COL14A1: variants seen among roughly 807,000 people sequenced by gnomAD.
COL14A1 encodes the protein collagen type XIV alpha 1 chain, also known as collagen alpha-1(XIV) chain.
COL14A1 carries 136 observed loss-of-function variants against 230.3 expected under a neutral mutation model. The observed-to-expected ratio is 0.59, with a 90% CI of 0.51 to 0.68. The LOEUF (loss-of-function observed/expected upper bound fraction) is 0.68. COL14A1 is among the 30% of genes least tolerant of loss of function. The pLI, the probability that COL14A1 is intolerant of heterozygous loss-of-function variation, is 0.00. For missense variants in COL14A1, 1,976 were observed against 2,215.8 expected (o/e 0.89, Z 2.17); for synonymous variants, 792 against 784.1 (o/e 1.01, Z -0.17).
chr8:120,169,156 G>A (rs556875838), intron 5 of COL14A1, among the ~76,000 whole-genome samples: 7 of 152,108 alleles, frequency 4.6e-5, no homozygotes, highest in South Asian at 4.2e-4. Flanking sequence ...GCACCCTGCC[G>A]ATTATTCCCC....
intron 5 of COL14A1, among the ~76,000 whole-genome samples, chr8:120,194,456 T>C (rs1816957222): frequency 6.6e-6 from 1 of 152,212 alleles, no homozygotes; most frequent in Non-Finnish European, 1.5e-5. Context: ...GCTTTTATTT[T>C]CTTTAAGATG....
intron 5 of COL14A1, among the ~76,000 whole-genome samples, chr8:120,192,944 C>T (rs1169447844): frequency 6.6e-6 from 1 of 152,136 alleles, no homozygotes; most frequent in Non-Finnish European, 1.5e-5. Context: ...GTTATACATT[C>T]GTCTAAATTT....
chr8:120,243,656 G>A (rs1402062691), intron 19 of COL14A1, among the ~76,000 whole-genome samples: 1 of 151,348 alleles, frequency 6.6e-6, no homozygotes, highest in Non-Finnish European at 1.5e-5. Context: ...GAGCTTAAGA[G>A]TGTCAAATTT....
At chr8:120,246,644 A>T (rs1162689644) in intron 20 of COL14A1, among the ~76,000 whole-genome samples, 2 of 152,222 alleles carry the variant, frequency 1.3e-5, no homozygotes, top group Non-Finnish European at 2.9e-5. Context: ...TATTACAGAA[A>T]TGCCATTACG....
chr8:120,343,014 C>G (rs1822365207), intron 44 of COL14A1, among the ~76,000 whole-genome samples: 1 of 152,164 alleles, frequency 6.6e-6, no homozygotes, highest in African/African-American at 2.4e-5. Flanking sequence ...TATACTTGGG[C>G]TTTGTGCCAA....
chr8:120,279,346 GTA>G (rs550467972), intron 28 of COL14A1, among the ~76,000 whole-genome samples: 2 of 150,974 alleles, frequency 1.3e-5, no homozygotes, highest in Non-Finnish European at 1.5e-5. Flanking sequence ...TTGATTGAAT[GTA>G]TATATATATA....
At chr8:120,136,857 C>T (rs566248826) in intron 1 of COL14A1, among the ~76,000 whole-genome samples, 42 of 140,576 alleles carry the variant, frequency 3.0e-4, no homozygotes, top group Non-Finnish European at 4.6e-4. Flanking sequence ...CCCAGCTCTT[C>T]GGGAGGCTGA....
intron 22 of COL14A1, among the ~76,000 whole-genome samples, chr8:120,254,500 G>A (rs1819075350): frequency 6.6e-6 from 1 of 151,950 alleles, no homozygotes. Context: ...CTCTTTTTAA[G>A]CCATGGCTAT....
rs115485760 is a variant in COL14A1, at chr8:120,157,711, C to T, written c.89-419C>T. Among the ~76,000 whole-genome samples, 896 of 152,194 alleles carry T rather than the reference C, an allele frequency of 5.9e-3. 8 individuals are homozygous for T. Among genetic ancestry groups the T allele is most frequent in the African/African-American group, 0.018 (749 of 41,534 alleles). ...AAAAATAATATATATTATGGCCAGGCGTGGTGGCTTATGCCTGTAATCCCA... is the reference window on the plus strand; with the variant it reads ...AAAAATAATATATATTATGGCCAGGTGTGGTGGCTTATGCCTGTAATCCCA... On this transcript the variant is annotated intron_variant, in intron 2 of 47. Coordinates refer to ENST00000297848, the MANE Select transcript of COL14A1 (RefSeq NM_021110.4).
intron 47 of COL14A1, 68 bp from the exon 48 acceptor site, chr8:120,371,084 G>T: frequency 7.4e-7 from 1 of 1,355,936 alleles, no homozygotes; most frequent in Non-Finnish European, 1.0e-6. Flanking sequence ...AAGGACCCAG[G>T]TGAGGGGAGA....
chr8:120,272,550 C>T (rs1238338270), intron 26 of COL14A1, among the ~76,000 whole-genome samples: 3 of 151,550 alleles, frequency 2.0e-5, no homozygotes, highest in Non-Finnish European at 4.4e-5. Context: ...TTAAGAGACT[C>T]ACCTAACATG....
chr8:120,340,109 AGTGTGTGTGT>A (rs10665249), intron 42 of COL14A1, among the ~76,000 whole-genome samples: 1 of 143,946 alleles, frequency 6.9e-6, no homozygotes, highest in South Asian at 2.2e-4. Flanking sequence ...TGAGTGAGTG[AGTGTGTGTGT>A]GTGTGTGTGT....
chr8:120,252,559 A>G (rs779499125), intron 22 of COL14A1, among the ~76,000 whole-genome samples: 10 of 152,328 alleles, frequency 6.6e-5, no homozygotes, highest in Non-Finnish European at 1.5e-5. Context: ...CAAATCTGCT[A>G]CTTGTTAGTG....
At position 120,281,043 on chromosome 8, in the gene COL14A1, G is replaced by A. The variant is rs1820022046; in HGVS notation, c.3808G>A (p.Val1270Ile). The A allele has an allele frequency of 6.2e-7, 1 of 1,609,900 alleles. No individual in the cohort carries two copies. The highest frequency in any genetic ancestry group is 1.3e-5 in the African/African-American group (1 of 74,736). Residue 1270 changes from valine (V) to isoleucine (I), a missense_variant, in exon 31 of 48, where the codon GTT (valine) becomes ATT (isoleucine). By Grantham distance (29) the Val-to-Ile change is conservative (BLOSUM62 3). Around this residue, in one of 3 missense-constraint regions of COL14A1, gnomAD observed 1,791 missense variants for 2,019.5 expected, o/e 0.89. Transcript: ENST00000297848. ...PCYQLHKDAL[V>I]SQPTRYLHPE... ...TTACCAACTCCATAAAGATGCCCTGGTTTCCCAGCCAACCAGGTATGTTTC... is the reference window on the plus strand; with the variant it reads ...TTACCAACTCCATAAAGATGCCCTGATTTCCCAGCCAACCAGGTATGTTTC...
intron 3 of COL14A1, among the ~76,000 whole-genome samples, chr8:120,159,441 T>TATATATACATATACATAA (rs1405719240): frequency 1.3e-5 from 2 of 152,230 alleles, no homozygotes; most frequent in Admixed American, 6.5e-5. Context: ...TACATATTTG[T>TATATATACATATACATAA]ATAATATATA....
At chr8:120,168,335 T>C (rs1815981639) in intron 5 of COL14A1, 88 bp downstream of exon 5, 2 of 899,852 alleles carry the variant, frequency 2.2e-6, no homozygotes, top group African/African-American at 1.7e-5. Context: ...GCTGGTCCCA[T>C]CTAAGAAGGG....
intron 1 of COL14A1, among the ~76,000 whole-genome samples, chr8:120,143,015 G>C (rs1346436378): frequency 2.0e-5 from 3 of 152,154 alleles, no homozygotes; most frequent in African/African-American, 4.8e-5. Flanking sequence ...TTCATCAGAG[G>C]CTTTTGCACT....
chr8:120,342,753 T>C (rs988723656), intron 44 of COL14A1, among the ~76,000 whole-genome samples: 1 of 152,178 alleles, frequency 6.6e-6, no homozygotes, highest in Non-Finnish European at 1.5e-5. Flanking sequence ...TCTTTCCAGG[T>C]GGGTAGGATT....
intron 4 of COL14A1, among the ~76,000 whole-genome samples, chr8:120,164,568 A>G (rs1174158963): frequency 6.6e-6 from 1 of 152,240 alleles, no homozygotes. Context: ...AATTTAAAAG[A>G]AAACACAACT....
Sources: gnomAD v4.1 joint callset for allele counts (sites outside exome capture counted in the v4.1 genomes callset) on GRCh38, gnomAD v4.1.1 for gene constraint, gnomAD v4.1.1 regional missense constraint, MANE v1.5 for transcripts, NCBI Gene and HGNC (gene_info 2026-07-23, HGNC 2026-07-21) for gene names.